Variants in ATP2B2 observed in about 807,000 individuals in gnomAD.
The protein encoded by ATP2B2 is plasma membrane calcium-transporting ATPase 2.
Under a neutral mutation model 120.0 loss-of-function variants are expected in ATP2B2, and 15 were observed. That is an observed-to-expected ratio of 0.12 (90% CI 0.08 to 0.19). ATP2B2 has a LOEUF of 0.19. Among genes scored for constraint, ATP2B2 ranks in the 10% least tolerant of loss-of-function variants. ATP2B2 has a pLI of 1.00. For synonymous variants in ATP2B2, 694 were observed against 700.3 expected (o/e 0.99, Z 0.14); for missense variants, 1,045 against 1,719.8 (o/e 0.61, Z 6.94).
At chr3:10,637,250 A>G (rs1188993291) in intron 1 of ATP2B2, among the ~76,000 whole-genome samples, 1 of 152,082 alleles carries the variant, frequency 6.6e-6, no homozygotes, top group Admixed American at 6.5e-5. Context: ...CAATAAGGTA[A>G]AATTCACAGT....
chr3:10,429,251 T>C (rs993685077), intron 2 of ATP2B2, among the ~76,000 whole-genome samples: 5 of 152,190 alleles, frequency 3.3e-5, no homozygotes, highest in African/African-American at 1.2e-4. Context: ...GTGGAAAATC[T>C]CCATTATTTT....
intron 12 of ATP2B2, among the ~76,000 whole-genome samples, chr3:10,366,553 C>G (rs2061064898): frequency 6.6e-6 from 1 of 152,194 alleles, no homozygotes; most frequent in South Asian, 2.1e-4. Context: ...CGCAAGTGCC[C>G]ATCCTCAGTT....
At chr3:10,584,608 G>A (rs2068465049) in intron 2 of ATP2B2, among the ~76,000 whole-genome samples, 1 of 152,166 alleles carries the variant, frequency 6.6e-6, no homozygotes, top group Non-Finnish European at 1.5e-5. Context: ...TTTTGCTCGT[G>A]ACTGATATTC....
At position 10,402,362 on chromosome 3, in the gene ATP2B2, T is replaced by A; in HGVS notation, c.398-14A>T. ...CCGTCGCACATCCTGAAAGACCAGA[T>A]AGAAGCAGGCAGAGTGAGGTCAACC... On this transcript the variant is annotated splice_polypyrimidine_tract_variant and intron_variant, in intron 3 of 22. Coordinates refer to ENST00000360273, the MANE Select transcript of ATP2B2 (RefSeq NM_001001331.4). The surrounding 1 kb of genome is among the most constrained non-coding windows in gnomAD (Gnocchi z 4.9). 6.2e-7 allele frequency: 1 copy of A among 1,612,234 alleles called. No homozygotes were observed. The highest frequency in any genetic ancestry group is 1.7e-5 in the Admixed American group (1 of 60,026).
chr3:10,577,910 G>A (rs2068291555), intron 2 of ATP2B2, among the ~76,000 whole-genome samples: 1 of 152,190 alleles, frequency 6.6e-6, no homozygotes, highest in Non-Finnish European at 1.5e-5. Context: ...TTCCTGTGCA[G>A]AAAACACTAA....
rs773018694 is a variant in ATP2B2 at position 10,356,147 on chromosome 3, C to CGT, written c.2136+2542_2136+2543dup. ...AGAACTACTTGTCCTTTCCTTTGTG[C>CGT]GTGTGTGCGTGTGTGTGTGTGTGTG... On this transcript the variant is annotated intron_variant, in intron 14 of 22. Transcript: ENST00000360273. Among the ~76,000 whole-genome samples, 12 of 45,722 alleles carry CGT rather than the reference C, an allele frequency of 2.6e-4. 1 individual carries two copies. Among genetic ancestry groups the CGT allele is most frequent in the African/African-American group, 7.4e-4 (12 of 16,156 alleles). 30.0% of individuals were successfully genotyped at this position (45,722 alleles called of 152,430 possible). A position where few individuals can be genotyped will look rare whatever the true frequency, so the allele number is the denominator to read the frequency against.
intron 7 of ATP2B2, among the ~76,000 whole-genome samples, chr3:10,385,855 G>A (rs2061662492): frequency 6.6e-6 from 1 of 152,206 alleles, no homozygotes. Flanking sequence ...CTTGATTCAG[G>A]CCATTGCCTC....
chr3:10,420,654 G>A (rs143816595), intron 2 of ATP2B2, among the ~76,000 whole-genome samples: 245 of 152,332 alleles, frequency 1.6e-3, no homozygotes, highest in African/African-American at 5.8e-3. Context: ...GAGCCACCAC[G>A]CCCGGCCTGG....
At chr3:10,593,220 A>G (rs537069218) in intron 2 of ATP2B2, among the ~76,000 whole-genome samples, 11 of 152,362 alleles carry the variant, frequency 7.2e-5, no homozygotes, top group South Asian at 6.2e-4. Flanking sequence ...ATCAAAATCC[A>G]TAAGTCTCCA....
In ATP2B2 at chr3:10,454,640, A is replaced by G. The variant is rs1438640; in HGVS notation, c.-319-4778T>C. On this transcript the variant is annotated intron_variant, in intron 1 of 22. Coordinates refer to ENST00000360273, the MANE Select transcript of ATP2B2 (RefSeq NM_001001331.4). ...AGAGCCCACTTTGGTGCTTGCTCTGACAGCAAGATTTGCTGGAAAAATGTG... is the reference window on the plus strand; with the variant it reads ...AGAGCCCACTTTGGTGCTTGCTCTGGCAGCAAGATTTGCTGGAAAAATGTG... 2.9e-3 allele frequency among the ~76,000 whole-genome samples: 434 copies of G among 152,242 alleles called. 3 individuals carry two copies. Among genetic ancestry groups the G allele is most frequent in the African/African-American group, 9.8e-3 (407 of 41,534 alleles).
chr3:10,384,544 C>T (rs2061618179), intron 8 of ATP2B2, among the ~76,000 whole-genome samples: 1 of 152,172 alleles, frequency 6.6e-6, no homozygotes, highest in African/African-American at 2.4e-5. Flanking sequence ...GAATGGAACT[C>T]CTTCTTGCTT....
chr3:10,494,007 G>A (rs2066038128), intron 1 of ATP2B2, among the ~76,000 whole-genome samples: 2 of 152,228 alleles, frequency 1.3e-5, no homozygotes, highest in African/African-American at 4.8e-5. Context: ...GTGGGGCTGG[G>A]AAGGTAGGGT....
At chr3:10,503,115 G>T (rs1013897729) in intron 1 of ATP2B2, among the ~76,000 whole-genome samples, 9 of 152,232 alleles carry the variant, frequency 5.9e-5, no homozygotes, top group Admixed American at 5.2e-4. Flanking sequence ...CGCAGAGGAG[G>T]GCAGCGGGAC....
intron 6 of ATP2B2, among the ~76,000 whole-genome samples, chr3:10,387,386 C>T (rs573466518): frequency 6.6e-6 from 1 of 152,348 alleles, no homozygotes; most frequent in South Asian, 2.1e-4. Context: ...AGCAGGGCTG[C>T]CCCTAAAACT....
intron 2 of ATP2B2, among the ~76,000 whole-genome samples, chr3:10,571,763 C>T (rs143555645): frequency 9.8e-5 from 15 of 152,322 alleles, no homozygotes; most frequent in African/African-American, 2.4e-4. Context: ...AAATGAGCAT[C>T]GTTGGGTTCC....
rs538911913 is a variant in ATP2B2, at chr3:10,343,638, C to T, written c.2704-673G>A. On this transcript the variant is annotated intron_variant, in intron 18 of 22. Transcript: ENST00000360273. This position sits in a 1 kb window ranked among gnomAD's most constrained non-coding sequence, Gnocchi z 4.2. ...AGGAGCTGGTTCTTCTGTCCCCATC[C>T]TTCCTCACACCCCCACGTATCTTGT... is the stretch of plus-strand genomic sequence containing the variant. Among the ~76,000 whole-genome samples, 28 of 152,176 alleles carry T rather than the reference C, an allele frequency of 1.8e-4. No individual in the cohort carries two copies. The highest frequency in any genetic ancestry group is 6.7e-4 in the African/African-American group (28 of 41,500).
chr3:10,642,849 C>A (rs73035797), intron 1 of ATP2B2, among the ~76,000 whole-genome samples: 83 of 152,254 alleles, frequency 5.5e-4, no homozygotes, highest in Non-Finnish European at 1.0e-3. Flanking sequence ...GAGCTCAGCA[C>A]CCCCTGCTTC....
chr3:10,593,125 T>C (rs1559475751), intron 2 of ATP2B2, among the ~76,000 whole-genome samples: 1 of 152,226 alleles, frequency 6.6e-6, no homozygotes, highest in Admixed American at 6.5e-5. Context: ...GGAAGCATCA[T>C]AAACCTGCTA....
intron 2 of ATP2B2, among the ~76,000 whole-genome samples, chr3:10,423,495 C>T (rs775167998): frequency 2.0e-4 from 31 of 152,322 alleles, no homozygotes; most frequent in Admixed American, 7.2e-4. Context: ...ACACAAATGA[C>T]GGCCATTTCA....
Sources: allele counts gnomAD v4.1 joint callset (sites outside exome capture counted in the v4.1 genomes callset), GRCh38; gene constraint gnomAD v4.1.1; non-coding constraint Gnocchi (gnomAD v3.1); transcripts MANE v1.5; gene names NCBI Gene and HGNC (gene_info 2026-07-23, HGNC 2026-07-21).